Variants in PPP1R12C observed in about 807,000 individuals in gnomAD.
The protein encoded by PPP1R12C is leukocyte receptor cluster (LRC) encoded novel gene 3.
A neutral mutation model predicts 95.6 loss-of-function variants in PPP1R12C; 48 were observed. That is an observed-to-expected ratio of 0.50 (90% CI 0.40 to 0.64). The LOEUF (loss-of-function observed/expected upper bound fraction) is 0.64. Among genes scored for constraint, PPP1R12C ranks in the 30% least tolerant of loss-of-function variants. The pLI is 0.00. For missense variants in PPP1R12C, 1,057 were observed against 1,083.3 expected, an observed-to-expected ratio of 0.98 and a Z score of 0.34; for synonymous variants, 480 against 460.8, an observed-to-expected ratio of 1.04 and a Z score of -0.53.
chr19:55,106,939 T>C lies in PPP1R12C; in HGVS notation c.572-3371A>G, dbSNP rs955824106. ...AAGAGGTGCTGTGTTTTGGCTGTGA[T>C]ATGGGCCTGCAGTAGGACCCATGCT... On this transcript the variant is annotated intron_variant, in intron 3 of 21. Coordinates refer to ENST00000263433, the MANE Select transcript of PPP1R12C (RefSeq NM_017607.4). Among the ~76,000 whole-genome samples the C allele has an allele frequency of 4.6e-5, 7 of 152,278 alleles. No individual in the cohort carries two copies. In the South Asian group the frequency reaches 1.5e-3, roughly 32 times the overall value.
chr19:55,117,106 G>T, intron 1 of PPP1R12C, 117 bp downstream of exon 1: 1 of 937,758 alleles, frequency 1.1e-6, no homozygotes, highest in Non-Finnish European at 1.4e-6. Flanking sequence ...GGGTGGCAAA[G>T]CCCAGGGCCA....
intron 13 of PPP1R12C, 34 bp from the exon 14 acceptor site, chr19:55,093,267 G>C (rs761859871): frequency 6.3e-7 from 1 of 1,596,788 alleles, no homozygotes; most frequent in South Asian, 1.1e-5. Context: ...GGGGACGCTG[G>C]GGTCAGGGCC....
At chr19:55,108,606 A>C (rs1045715601) in intron 3 of PPP1R12C, among the ~76,000 whole-genome samples, 2 of 152,250 alleles carry the variant, frequency 1.3e-5, no homozygotes, top group African/African-American at 4.8e-5. Context: ...ACAGACGTGG[A>C]ATCAGACAGT....
chr19:55,108,187 C>T lies in PPP1R12C; in HGVS notation c.571+4280G>A, dbSNP rs563934324. On this transcript the variant is annotated intron_variant, in intron 3 of 21. Transcript: ENST00000263433. ...CTGACCTCAGGTGATCTGCCCACCT[C>T]GGCCTCCCAAAGTGCTGGATTACAG... Among the ~76,000 whole-genome samples the T allele has an allele frequency of 4.0e-3, 609 of 152,126 alleles. 9 individuals are homozygous for T. The highest frequency in any genetic ancestry group is 6.4e-3 in the Non-Finnish European group (437 of 67,986).
At chr19:55,095,192 G>C in intron 11 of PPP1R12C, 99 bp downstream of exon 11, 1 of 1,329,536 alleles carries the variant, frequency 7.5e-7, no homozygotes, top group Non-Finnish European at 1.1e-6. Context: ...GCAGGAACCA[G>C]ACCCCAGGGG....
rs1044809310 is a variant in PPP1R12C at position 55,110,796 on chromosome 19, A to T, written c.571+1671T>A. On this transcript the variant is annotated intron_variant, in intron 3 of 21. Transcript: ENST00000263433. The stretch of plus-strand genomic sequence containing the variant: ...TGAGGCAGGAGAATCGCTTGAACCC[A>T]GGAGGTGGAGGTTGCAGTGAGCCGA... Among the ~76,000 whole-genome samples the T allele has an allele frequency of 7.3e-5, 11 of 151,270 alleles. No individual in the cohort carries two copies. The East Asian group carries it at 2.0e-3, about 27-fold the overall frequency.
At chr19:55,117,137 G>T in intron 1 of PPP1R12C, 86 bp downstream of exon 1, 1 of 1,102,656 alleles carries the variant, frequency 9.1e-7, no homozygotes, top group Non-Finnish European at 1.1e-6. Context: ...GGCGGATCGA[G>T]ACTGGCAACG....
chr19:55,096,467 T>C (rs2084914050), intron 6 of PPP1R12C, 132 bp from the exon 7 acceptor site: 1 of 1,077,038 alleles, frequency 9.3e-7, no homozygotes, highest in Non-Finnish European at 1.4e-6. Context: ...CTGGTTTTCC[T>C]ACAGATGGCC....
At chr19:55,105,070 CTTT>C (rs60663683) in intron 3 of PPP1R12C, among the ~76,000 whole-genome samples, 2 of 142,004 alleles carry the variant, frequency 1.4e-5, no homozygotes, top group Non-Finnish European at 1.5e-5. Flanking sequence ...GCATCTGACC[CTTT>C]TTTTTTTTTT....
chr19:55,103,716 G>T, intron 3 of PPP1R12C, 148 bp from the exon 4 acceptor site: 1 of 691,574 alleles, frequency 1.4e-6, no homozygotes, highest in Non-Finnish European at 2.2e-6. Flanking sequence ...GCCCAGACTA[G>T]CCCAGTTGTT....
chr19:55,094,776 G>C lies in PPP1R12C; in HGVS notation c.1477C>G (p.Pro493Ala). ...GGAGGCGAGGAGTTCTCCAAGCAAGGAGGAGGCTTGGTGACCTCAGACCTG... is the reference window on the plus strand; with the variant it reads ...GGAGGCGAGGAGTTCTCCAAGCAAGCAGGAGGCTTGGTGACCTCAGACCTG... Reference protein sequence around the residue: ...SVLSEVTKPPPCLENSSPPSR... With the variant: ...SVLSEVTKPPACLENSSPPSR... Residue 493 changes from proline (P) to alanine (A), a missense_variant, in exon 12 of 22, where the codon CCT becomes GCT. Pro to Ala is a conservative substitution (Grantham distance 27). Around this residue, in one of 5 missense-constraint regions of PPP1R12C, gnomAD observed 356 missense variants for 330.5 expected, o/e 1.08. Coordinates refer to ENST00000263433, the MANE Select transcript of PPP1R12C (RefSeq NM_017607.4). The C allele has an allele frequency of 1.2e-6, 2 of 1,601,680 alleles. No homozygotes were observed. Among genetic ancestry groups the C allele is most frequent in the Non-Finnish European group, 1.7e-6 (2 of 1,175,878 alleles).
intron 1 of PPP1R12C, among the ~76,000 whole-genome samples, chr19:55,116,758 A>G (rs1482761069): frequency 1.3e-5 from 2 of 152,032 alleles, no homozygotes; most frequent in Non-Finnish European, 2.9e-5. Context: ...CAGATAGACC[A>G]GACTGAGCTA....
In PPP1R12C at chr19:55,091,417, G is replaced by C. The variant is rs2084837369; in HGVS notation, c.*55C>G. The C allele has an allele frequency of 1.3e-6, 2 of 1,508,920 alleles. No individual in the cohort carries two copies. The highest frequency in any genetic ancestry group is 1.4e-5 in the African/African-American group (1 of 72,522). The allele number at this position is 1,508,920 out of a possible 1,614,324, so 93.5% of individuals were successfully genotyped here. A position where few individuals can be genotyped will look rare whatever the true frequency, so the allele number is the denominator to read the frequency against. On this transcript the variant is annotated 3_prime_UTR_variant, in exon 22 of 22. Transcript: ENST00000263433. Reference sequence around the variant, plus strand: ...TCACTCGTGTTCACACGGGGGAAGGGGTGCGTGTGGCAGAAGCAGCTGTAT... The same window carrying C: ...TCACTCGTGTTCACACGGGGGAAGGCGTGCGTGTGGCAGAAGCAGCTGTAT...
At position 55,093,094 on chromosome 19, in the gene PPP1R12C, C is replaced by A; in HGVS notation, c.1765-18G>T. 6.4e-7 allele frequency: 1 copy of A among 1,574,098 alleles called. No individual in the cohort carries two copies. On this transcript the variant is annotated intron_variant, in intron 14 of 21. Transcript: ENST00000263433. Reference sequence around the variant, plus strand: ...GAAGGGTCCTGTCGGGAGGGGGAGGCGAGTCAGGGAAGCAGGACATCCCGC... The same window carrying A: ...GAAGGGTCCTGTCGGGAGGGGGAGGAGAGTCAGGGAAGCAGGACATCCCGC...
rs757308192 is a variant in PPP1R12C, at chr19:55,092,301, T to C, written c.2081A>G (p.Asn694Ser). The part of the protein sequence containing the change: ...RTLYAELRRE[N>S]ERLREALTET... The stretch of plus-strand genomic sequence containing the variant: ...GGTCAGGGCCTCGCGAAGCCGCTCG[T>C]TCTCCCTGCGCAGCTCTGCATACAG... The change falls in exon 19 of 22, where the codon AAC becomes AGC. Residue 694 changes from asparagine (N) to serine (S), a missense_variant. Around this residue, in one of 5 missense-constraint regions of PPP1R12C, gnomAD observed 347 missense variants for 307.9 expected, o/e 1.13. Coordinates refer to ENST00000263433, the MANE Select transcript of PPP1R12C (RefSeq NM_017607.4). The C allele has an allele frequency of 1.9e-5, 31 of 1,600,592 alleles. No individual in the cohort carries two copies. The highest frequency in any genetic ancestry group is 3.3e-4 in the Middle Eastern group (2 of 6,060).
chr19:55,105,518 A>G (rs1446308751), intron 3 of PPP1R12C, among the ~76,000 whole-genome samples: 1 of 152,320 alleles, frequency 6.6e-6, no homozygotes, highest in Admixed American at 6.5e-5. Flanking sequence ...AATAAACAAC[A>G]TAAAATTTAC....
intron 3 of PPP1R12C, among the ~76,000 whole-genome samples, chr19:55,103,871 C>G (rs1214851326): frequency 6.6e-6 from 1 of 151,752 alleles, no homozygotes; most frequent in Non-Finnish European, 1.5e-5. Context: ...AAAACCATGG[C>G]CGGGTGCAGT....
rs769397633 is a variant in PPP1R12C at position 55,091,143 on chromosome 19, C to T, written c.*329G>A. ...GGAGGGGTGACGGGGTGGCATCACACGTGAGATGGGGACCTCCAGGCGGCC... is the reference window on the plus strand; with the variant it reads ...GGAGGGGTGACGGGGTGGCATCACATGTGAGATGGGGACCTCCAGGCGGCC... On this transcript the variant is annotated 3_prime_UTR_variant, in exon 22 of 22. Coordinates refer to ENST00000263433, the MANE Select transcript of PPP1R12C (RefSeq NM_017607.4). 6.1e-4 allele frequency: 233 copies of T among 383,856 alleles called. No homozygotes were observed. Among genetic ancestry groups the T allele is most frequent in the Non-Finnish European group, 9.4e-4 (194 of 206,296 alleles). 23.8% of individuals were successfully genotyped at this position (383,856 alleles called of 1,614,324 possible).
intron 1 of PPP1R12C, 122 bp from the exon 2 acceptor site, chr19:55,112,917 T>A (rs2085114064): frequency 7.3e-7 from 1 of 1,378,594 alleles, no homozygotes; most frequent in Non-Finnish European, 9.9e-7. Flanking sequence ...GTGGGGAAAA[T>A]GACCCAACAG....
Sources: allele counts gnomAD v4.1 joint callset (sites outside exome capture counted in the v4.1 genomes callset), GRCh38; gene constraint gnomAD v4.1.1; regional missense constraint gnomAD v4.1.1; transcripts MANE v1.5; gene names NCBI Gene and HGNC (gene_info 2026-07-23, HGNC 2026-07-21).